WDR19: variants seen among roughly 807,000 people sequenced by gnomAD.
WDR19 encodes the protein WD repeat domain 19, also known as WD repeat-containing protein 19.
A neutral mutation model predicts 180.0 loss-of-function variants in WDR19; 121 were observed. The ratio of observed to expected loss-of-function variants is 0.67; its 90% confidence interval spans 0.58 to 0.78. The LOEUF is 0.78. Ranked by LOEUF, WDR19 falls within the 30% of genes least tolerant of loss-of-function variation. The pLI, the probability that WDR19 is intolerant of heterozygous loss-of-function variation, is 0.00. For synonymous variants in WDR19, 497 were observed against 540.7 expected (o/e 0.92, Z 1.12); for missense variants, 1,450 against 1,640.7 (o/e 0.88, Z 2.01).
chr4:39,200,088 G>A (rs1727213706), intron 6 of WDR19, among the ~76,000 whole-genome samples: 1 of 152,138 alleles, frequency 6.6e-6, no homozygotes, highest in African/African-American at 2.4e-5. Context: ...CCCTCCTTAT[G>A]GGAATTTGTA....
chr4:39,185,815 A>G lies in WDR19; in HGVS notation c.96A>G (p.Thr32=), dbSNP rs1228632350. ...CATCAGGAAACTACCTTGCAGTAAC[A>G]GGGTAAGAAACCAATGAATGTTTTA... is the stretch of plus-strand genomic sequence containing the variant. ...QKTSGNYLAV[T]GADYIVKIFD... is the part of the protein sequence containing the mutation. Residue 32 remains threonine, a splice_region_variant and synonymous_variant, in exon 2 of 37, where the codon ACA becomes ACG. Transcript: ENST00000399820. 2 of 1,549,990 alleles carry G rather than the reference A, an allele frequency of 1.3e-6. No homozygotes were observed. Among genetic ancestry groups the G allele is most frequent in the Admixed American group, 2.0e-5 (1 of 51,128 alleles).
chr4:39,276,933 C>T, intron 33 of WDR19, 87 bp from the exon 34 acceptor site: 1 of 1,543,172 alleles, frequency 6.5e-7, no homozygotes. Flanking sequence ...TGTCATATGT[C>T]CCTGGTTTTC....
rs1363976803 is a variant in WDR19, at chr4:39,266,111, C to T, written c.3232C>T (p.Leu1078Phe). The T allele has an allele frequency of 2.6e-6, 4 of 1,563,142 alleles. No individual in the cohort carries two copies. Among genetic ancestry groups the T allele is most frequent in the Non-Finnish European group, 3.5e-6 (4 of 1,153,226 alleles). Residue 1078 changes from leucine to phenylalanine, a missense_variant, in exon 29 of 37, where the codon CTC becomes TTC. Leu to Phe is a conservative substitution (Grantham distance 22, BLOSUM62 0). Transcript: ENST00000399820. The stretch of plus-strand genomic sequence containing the variant: ...GCTGACCAATCAGCTGATAGACCAT[C>T]TCCTGGGGGAGAACGATGGCATGCC... Reference protein sequence around the residue: ...ELLTNQLIDHLLGENDGMPKD... With the variant: ...ELLTNQLIDHFLGENDGMPKD...
chr4:39,260,525 G>A (rs1734187528), intron 28 of WDR19, among the ~76,000 whole-genome samples: 1 of 152,010 alleles, frequency 6.6e-6, no homozygotes. Context: ...ACTTTTAGTA[G>A]AGACAGGGTT....
intron 30 of WDR19, among the ~76,000 whole-genome samples, chr4:39,269,683 C>CA (rs1431540273): frequency 6.6e-6 from 1 of 152,020 alleles, no homozygotes; most frequent in Non-Finnish European, 1.5e-5. Flanking sequence ...CTTGTCTCTA[C>CA]AAAAAACACA....
At chr4:39,269,846 C>T (rs1259328344) in intron 30 of WDR19, 130 bp from the exon 31 acceptor site, 1 of 1,233,972 alleles carries the variant, frequency 8.1e-7, no homozygotes, top group African/African-American at 1.5e-5. Context: ...TGCTGAGTTG[C>T]TTTGAATAAG....
intron 24 of WDR19, among the ~76,000 whole-genome samples, chr4:39,248,712 G>A (rs1445058997): frequency 2.0e-5 from 3 of 151,708 alleles, no homozygotes; most frequent in Admixed American, 6.6e-5. Flanking sequence ...TCCTAGTCTC[G>A]GATAAAACAG....
At chr4:39,236,083 C>T (rs1731344195) in intron 20 of WDR19, among the ~76,000 whole-genome samples, 1 of 152,094 alleles carries the variant, frequency 6.6e-6, no homozygotes, top group South Asian at 2.1e-4. Flanking sequence ...GGAGATTTCT[C>T]AAAGAACTAA....
chr4:39,271,372 A>G (rs547788125), intron 31 of WDR19, among the ~76,000 whole-genome samples: 1 of 152,370 alleles, frequency 6.6e-6, no homozygotes, highest in Non-Finnish European at 1.5e-5. Flanking sequence ...TACAAACAAA[A>G]ATAGATCCTG....
At chr4:39,233,034 A>G (rs28631443) in intron 19 of WDR19, among the ~76,000 whole-genome samples, 10,764 of 152,214 alleles carry the variant, frequency 0.071, 1,245 homozygotes, top group African/African-American at 0.25. Context: ...CATGTGGGCC[A>G]GGCATTTTTC....
At position 39,217,149 on chromosome 4, in the gene WDR19, A is replaced by C; in HGVS notation, c.1265A>C (p.Lys422Thr). 6.2e-7 allele frequency: 1 copy of C among 1,605,578 alleles called. No homozygotes were observed. The highest frequency in any genetic ancestry group is 8.5e-7 in the Non-Finnish European group (1 of 1,176,182). ...VLGENAVKKL[K>T]DMEYLGTVAS... is the part of the protein sequence containing the mutation. ...ATTGCTACAGCTGTGAAAAAATTGA[A>C]AGATATGGAGTATCTGGGAACAGTA... The change falls in exon 13 of 37, where the codon AAA (lysine) becomes ACA (threonine). Residue 422 changes from lysine to threonine, a missense_variant. By Grantham distance (78) the Lys-to-Thr change is moderately conservative (BLOSUM62 -1). Coordinates refer to ENST00000399820, the MANE Select transcript of WDR19 (RefSeq NM_025132.4).
intron 36 of WDR19, among the ~76,000 whole-genome samples, chr4:39,281,236 T>TATATATATATATATATAG (rs762298152): frequency 9.6e-6 from 1 of 104,040 alleles, no homozygotes; most frequent in African/African-American, 5.2e-5. Context: ...TATATATATA[T>TATATATATATATATATAG]AGAGAGAGAG....
chr4:39,251,332 T>C (rs1259709558), intron 24 of WDR19, among the ~76,000 whole-genome samples: 1 of 152,140 alleles, frequency 6.6e-6, no homozygotes, highest in Non-Finnish European at 1.5e-5. Flanking sequence ...CTGGATCCCT[T>C]CCCCTTACAC....
intron 1 of WDR19, 129 bp downstream of exon 1, chr4:39,182,692 A>T: frequency 7.2e-7 from 1 of 1,384,174 alleles, no homozygotes; most frequent in Non-Finnish European, 9.9e-7. Context: ...AGAGAGAGAG[A>T]GAGGTGGCCA....
intron 5 of WDR19, among the ~76,000 whole-genome samples, chr4:39,197,946 C>G (rs927769285): frequency 6.6e-6 from 1 of 152,172 alleles, no homozygotes; most frequent in Non-Finnish European, 1.5e-5. Flanking sequence ...TCAAGGGATC[C>G]TCCCACCTCA....
chr4:39,266,378 TA>T (rs994449695), intron 29 of WDR19, among the ~76,000 whole-genome samples: 23 of 151,636 alleles, frequency 1.5e-4, no homozygotes, highest in South Asian at 2.1e-4. Flanking sequence ...CTGATGAGTT[TA>T]AAAAAAAAAT....
At chr4:39,257,617 A>G in intron 28 of WDR19, 63 bp downstream of exon 28, 1 of 1,465,746 alleles carries the variant, frequency 6.8e-7, no homozygotes, top group Non-Finnish European at 9.3e-7. Flanking sequence ...CTTGAAAAAA[A>G]TTTTAAATAT....
chr4:39,197,227 G>A (rs947860974), intron 5 of WDR19, among the ~76,000 whole-genome samples: 10 of 151,868 alleles, frequency 6.6e-5, no homozygotes, highest in African/African-American at 9.7e-5. Context: ...TCAGGAGTTC[G>A]AAACCAGCCA....
chr4:39,283,139 T>C (rs1390566088), intron 36 of WDR19, among the ~76,000 whole-genome samples: 1 of 152,200 alleles, frequency 6.6e-6, no homozygotes, highest in Non-Finnish European at 1.5e-5. Flanking sequence ...ATTGTGGAAG[T>C]TTCCTTCTAG....
Sources: gnomAD v4.1 joint callset for allele counts (sites outside exome capture counted in the v4.1 genomes callset) on GRCh38, gnomAD v4.1.1 for gene constraint, MANE v1.5 for transcripts, NCBI Gene and HGNC (gene_info 2026-07-23, HGNC 2026-07-21) for gene names.